Variants in TTC28 observed in about 807,000 individuals in gnomAD.
TTC28 encodes the protein tetratricopeptide repeat domain 28.
A neutral mutation model predicts 198.0 loss-of-function variants in TTC28; 61 were observed. The ratio of observed to expected loss-of-function variants is 0.31; its 90% CI spans 0.25 to 0.38. The LOEUF is 0.38. Among genes scored for constraint, TTC28 ranks in the 10% least tolerant of loss-of-function variants. TTC28 has a pLI of 1.00. For missense variants in TTC28, 2,678 were observed against 3,164.0 expected (o/e 0.85, Z 3.69); for synonymous variants, 1,171 against 1,297.8 (o/e 0.90, Z 2.10).
chr22:28,532,634 T>G (rs1445961794), intron 2 of TTC28, among the ~76,000 whole-genome samples: 1 of 152,220 alleles, frequency 6.6e-6, no homozygotes, highest in East Asian at 1.9e-4. Flanking sequence ...TTATCCGTGA[T>G]GAACATCGAT....
chr22:28,630,043 T>C (rs1338196994), intron 1 of TTC28, among the ~76,000 whole-genome samples: 1 of 152,042 alleles, frequency 6.6e-6, no homozygotes, highest in Non-Finnish European at 1.5e-5. Context: ...ATTCTTACTC[T>C]ATTATTTCCA....
At position 28,444,174 on chromosome 22, in the gene TTC28, A is replaced by ATGTC. The variant is rs539007684; in HGVS notation, c.382-137535_382-137532dup. 2.1e-3 allele frequency among the ~76,000 whole-genome samples: 320 copies of ATGTC among 152,340 alleles called. 2 individuals are homozygous for ATGTC. In the South Asian group the frequency reaches 0.028, roughly 13 times the overall value. ...ATAATTCTACTATTTATCATCCAACATGTCTGTCAACTCCTAAACCACCAT... is the reference window on the plus strand; with the variant it reads ...ATAATTCTACTATTTATCATCCAACATGTCTGTCTGTCAACTCCTAAACCACCAT... On this transcript the variant is annotated intron_variant, in intron 2 of 22. Transcript: ENST00000397906.
chr22:28,149,610 T>A (rs1422554463), intron 6 of TTC28, among the ~76,000 whole-genome samples: 1 of 152,186 alleles, frequency 6.6e-6, no homozygotes, highest in Non-Finnish European at 1.5e-5. Context: ...AGGGTCAGAA[T>A]CATCAATATC....
At chr22:28,567,479 C>CAT (rs398040471) in intron 2 of TTC28, among the ~76,000 whole-genome samples, 899 of 51,114 alleles carry the variant, frequency 0.018, 29 homozygotes, top group South Asian at 0.084. Context: ...TACATACATA[C>CAT]ATATATATAT....
chr22:28,615,262 A>C (rs1406069912), intron 2 of TTC28, among the ~76,000 whole-genome samples: 1 of 152,198 alleles, frequency 6.6e-6, no homozygotes, highest in Non-Finnish European at 1.5e-5. Context: ...ACCATCTCAC[A>C]CAAGTTAGAA....
At chr22:28,517,686 C>T (rs184239738) in intron 2 of TTC28, among the ~76,000 whole-genome samples, 1 of 152,224 alleles carries the variant, frequency 6.6e-6, no homozygotes, top group African/African-American at 2.4e-5. Flanking sequence ...TTTCTGTTCC[C>T]GATGGAGTCC....
chr22:28,629,001 T>C (rs922785846), intron 2 of TTC28, among the ~76,000 whole-genome samples: 4 of 151,778 alleles, frequency 2.6e-5, no homozygotes, highest in Non-Finnish European at 5.9e-5. Context: ...TAAAAGAAAC[T>C]AGGGGTTAGG....
chr22:28,601,065 C>A (rs2050632405), intron 2 of TTC28, among the ~76,000 whole-genome samples: 1 of 152,084 alleles, frequency 6.6e-6, no homozygotes, highest in African/African-American at 2.4e-5. Context: ...AATTAACCAA[C>A]TCTTAAAATA....
intron 2 of TTC28, among the ~76,000 whole-genome samples, chr22:28,445,208 A>G (rs1037470862): frequency 4.6e-5 from 7 of 152,336 alleles, no homozygotes; most frequent in Non-Finnish European, 1.0e-4. Context: ...CAAAACAAAC[A>G]TACATTAAGT....
intron 2 of TTC28, among the ~76,000 whole-genome samples, chr22:28,535,678 G>A (rs1363239569): frequency 2.6e-5 from 4 of 152,076 alleles, no homozygotes; most frequent in South Asian, 2.1e-4. Context: ...ACTGAACCAC[G>A]GGGATGGACT....
intron 6 of TTC28, among the ~76,000 whole-genome samples, chr22:28,150,633 G>A (rs1943583284): frequency 6.6e-6 from 1 of 152,208 alleles, no homozygotes; most frequent in South Asian, 2.1e-4. Flanking sequence ...GCAGTGTCCA[G>A]CACAGATGGC....
chr22:28,107,225 G>A lies in TTC28; in HGVS notation c.2620C>T (p.Leu874Phe), dbSNP rs1388477710. ...TTGCCATAGGCCCGGCCCCTGTCGA[G>A]CACAGACTCATTTCCACTTAGCTGC... ...LQQLSGNESV[L>F]DRGRAYGNLG... Residue 874 changes from leucine (L) to phenylalanine (F), a missense_variant, in exon 7 of 23, where the codon CTC becomes TTC. By Grantham distance (22) the Leu-to-Phe change is conservative (BLOSUM62 0). Transcript: ENST00000397906. 1.9e-6 allele frequency: 3 copies of A among 1,551,720 alleles called. No individual in the cohort carries two copies. The highest frequency in any genetic ancestry group is 4.9e-5 in the East Asian group (2 of 40,926).
At chr22:28,171,877 T>C (rs1420374002) in intron 5 of TTC28, among the ~76,000 whole-genome samples, 1 of 152,178 alleles carries the variant, frequency 6.6e-6, no homozygotes, top group African/African-American at 2.4e-5. Flanking sequence ...CTCAGGTTCC[T>C]ACTTTGTGAG....
chr22:28,503,397 G>A (rs537577887), intron 2 of TTC28, among the ~76,000 whole-genome samples: 6 of 152,180 alleles, frequency 3.9e-5, no homozygotes, highest in South Asian at 2.1e-4. Flanking sequence ...ATGGGTTTTC[G>A]TATCTTTACC....
chr22:28,476,230 T>C (rs2048164601), intron 2 of TTC28, among the ~76,000 whole-genome samples: 1 of 152,222 alleles, frequency 6.6e-6, no homozygotes, highest in African/African-American at 2.4e-5. Context: ...TATCACATTA[T>C]GCCTGAATAA....
intron 6 of TTC28, among the ~76,000 whole-genome samples, chr22:28,133,364 T>C (rs1003611137): frequency 2.0e-5 from 3 of 152,126 alleles, no homozygotes; most frequent in Admixed American, 2.0e-4. Context: ...CTGGGGCTTG[T>C]TGGACAGTGG....
intron 2 of TTC28, among the ~76,000 whole-genome samples, chr22:28,620,472 C>T (rs762086771): frequency 6.6e-6 from 1 of 152,192 alleles, no homozygotes; most frequent in Non-Finnish European, 1.5e-5. Context: ...AGTGCCAAAA[C>T]TGTTGTACCA....
chr22:28,216,740 G>A (rs1366136434), intron 5 of TTC28, among the ~76,000 whole-genome samples: 5 of 151,990 alleles, frequency 3.3e-5, no homozygotes, highest in Non-Finnish European at 7.4e-5. Context: ...AAATTTTTTA[G>A]AGACACAGTC....
intron 2 of TTC28, among the ~76,000 whole-genome samples, chr22:28,311,721 GT>G (rs1162218305): frequency 2.0e-5 from 3 of 151,862 alleles, no homozygotes; most frequent in African/African-American, 7.3e-5. Flanking sequence ...GTAGGCTATA[GT>G]TATCCTGTTG....
Sources: gnomAD v4.1 joint callset for allele counts (sites outside exome capture counted in the v4.1 genomes callset) on GRCh38, gnomAD v4.1.1 for gene constraint, MANE v1.5 for transcripts, NCBI Gene and HGNC (gene_info 2026-07-23, HGNC 2026-07-21) for gene names.